ANKRD46: variants seen among roughly 807,000 people sequenced by gnomAD.
The protein encoded by ANKRD46 is ankyrin repeat domain-containing protein 46.
ANKRD46 carries 13 observed loss-of-function variants against 19.8 expected under a neutral mutation model. The observed-to-expected ratio is 0.66, with a 90% CI of 0.43 to 1.04. The LOEUF is 1.04. Among genes scored for constraint, ANKRD46 ranks in the 50% least tolerant of loss-of-function variants. The pLI, the probability that ANKRD46 is intolerant of heterozygous loss-of-function variation, is 0.00. For missense variants in ANKRD46, 185 were observed against 274.8 expected (o/e 0.67, Z 2.31); for synonymous variants, 91 against 106.9 (o/e 0.85, Z 0.92).
chr8:100,559,643 C>G lies in ANKRD46; in HGVS notation c.-131+68G>C, dbSNP rs1039896658. 2 of 152,486 alleles carry G rather than the reference C, an allele frequency of 1.3e-5. No homozygotes were observed. Among genetic ancestry groups the G allele is most frequent in the African/African-American group, 4.8e-5 (2 of 41,468 alleles). 9.4% of individuals were successfully genotyped at this position (152,486 alleles called of 1,614,324 possible). A position where few individuals can be genotyped will look rare whatever the true frequency, so the allele number is the denominator to read the frequency against. On this transcript the variant is annotated intron_variant, in intron 1 of 4. Transcript: ENST00000335659. The surrounding 1 kb of genome is among the most constrained non-coding windows in gnomAD (Gnocchi z 6.0). ...CAGGCCTACTGGACCTCCAGTGCTA[C>G]AGGGACGGTGCAGGAGATATCAAGT...
intron 1 of ANKRD46, among the ~76,000 whole-genome samples, chr8:100,556,089 T>C (rs1184722542): frequency 6.6e-6 from 1 of 152,194 alleles, no homozygotes; most frequent in Non-Finnish European, 1.5e-5. Context: ...GGCTCAATCA[T>C]GGCTCACTGA....
intron 1 of ANKRD46, among the ~76,000 whole-genome samples, chr8:100,547,171 G>A (rs1309931025): frequency 6.6e-6 from 1 of 152,078 alleles, no homozygotes; most frequent in Non-Finnish European, 1.5e-5. Context: ...GATTTGGGAG[G>A]GGCCAGGAGC....
chr8:100,555,015 CAA>C (rs199686994), intron 1 of ANKRD46, among the ~76,000 whole-genome samples: 34 of 105,698 alleles, frequency 3.2e-4, no homozygotes, highest in East Asian at 7.6e-4. Context: ...ACTCCATCTC[CAA>C]AAAAAAAAAA....
intron 5 of ANKRD46, among the ~76,000 whole-genome samples, chr8:100,514,617 CT>C (rs35216029): frequency 8.8e-4 from 65 of 74,064 alleles, no homozygotes; most frequent in Middle Eastern, 0.016. Context: ...CCTCCATCTT[CT>C]TTTTTTTTTT....
chr8:100,531,050 A>C (rs923373719), intron 2 of ANKRD46, among the ~76,000 whole-genome samples: 1 of 152,158 alleles, frequency 6.6e-6, no homozygotes, highest in African/African-American at 2.4e-5. Flanking sequence ...TGCCTGGTGC[A>C]CCTGAACTCT....
chr8:100,518,408 T>C (rs1811667396), downstream of ANKRD46, among the ~76,000 whole-genome samples: 1 of 152,246 alleles, frequency 6.6e-6, no homozygotes, highest in Non-Finnish European at 1.5e-5. Flanking sequence ...AATAGAATTA[T>C]GTTGATGACT....
downstream of ANKRD46, among the ~76,000 whole-genome samples, chr8:100,519,747 A>G (rs1297490296): frequency 1.3e-5 from 2 of 152,284 alleles, no homozygotes; most frequent in East Asian, 3.9e-4. Context: ...CATGCTCCAC[A>G]GGTGAGGGGG....
chr8:100,548,755 G>A (rs928592301), intron 1 of ANKRD46, among the ~76,000 whole-genome samples: 3 of 152,082 alleles, frequency 2.0e-5, no homozygotes, highest in Non-Finnish European at 4.4e-5. Context: ...ATTCACTGAA[G>A]GTGGACAAAA....
rs59521764 is a variant in ANKRD46, at chr8:100,555,722, T to TAAAA, written c.-131+3985_-131+3988dup. Among the ~76,000 whole-genome samples, 108 of 53,308 alleles carry TAAAA rather than the reference T, an allele frequency of 2.0e-3. 14 individuals carry two copies. Among genetic ancestry groups the TAAAA allele is most frequent in the South Asian group, 3.6e-3 (3 of 844 alleles). 35.0% of individuals were successfully genotyped at this position (53,308 alleles called of 152,430 possible). A position where few individuals can be genotyped will look rare whatever the true frequency, so the allele number is the denominator to read the frequency against. ...GCACCAACTTAATATTTTCCTCAGCTAAAAAAAAAAAAAAAAAAAAAAAAA... is the reference window on the plus strand; with the variant it reads ...GCACCAACTTAATATTTTCCTCAGCTAAAAAAAAAAAAAAAAAAAAAAAAAAAAA... On this transcript the variant is annotated intron_variant, in intron 1 of 4. Transcript: ENST00000335659.
chr8:100,510,539 C>T lies in ANKRD46; in HGVS notation c.*38G>A. 6.6e-7 allele frequency: 1 copy of T among 1,523,808 alleles called. No homozygotes were observed. The highest frequency in any genetic ancestry group is 8.8e-7 in the Non-Finnish European group (1 of 1,139,304). The allele number at this position is 1,523,808 out of a possible 1,614,324, so 94.4% of individuals were successfully genotyped here. A position where few individuals can be genotyped will look rare whatever the true frequency, so the allele number is the denominator to read the frequency against. The stretch of plus-strand genomic sequence containing the variant: ...GACGTCTGTATCCCTTCTTTCTTGC[C>T]TTCTGAGGCTCAGGAGCACAGGACA... On this transcript the variant is annotated 3_prime_UTR_variant, in exon 6 of 6. Transcript: ENST00000520552. This position sits in a 1 kb window ranked among gnomAD's most constrained non-coding sequence, Gnocchi z 4.9.
rs1812525861 is a variant in ANKRD46 at position 100,557,525 on chromosome 8, G to A, written c.-131+2186C>T. Among the ~76,000 whole-genome samples the A allele has an allele frequency of 6.6e-6, 1 of 152,154 alleles. No individual in the cohort carries two copies. Among genetic ancestry groups the A allele is most frequent in the South Asian group, 2.1e-4 (1 of 4,826 alleles). ...CAACACTGAACACAGCAGCCAGAGT[G>A]ATCCTTTAAAAACCTTAAGCCAGAT... On this transcript the variant is annotated intron_variant, in intron 1 of 4. Transcript: ENST00000335659. This position sits in a 1 kb window ranked among gnomAD's most constrained non-coding sequence, Gnocchi z 5.9.
At position 100,536,451 on chromosome 8, in the gene ANKRD46, T is replaced by C. The variant is rs1812066480; in HGVS notation, c.-130-3140A>G. Among the ~76,000 whole-genome samples, 1 of 152,198 alleles carries C rather than the reference T, an allele frequency of 6.6e-6. No individual in the cohort carries two copies. On this transcript the variant is annotated intron_variant, in intron 1 of 4. Coordinates refer to ENST00000335659, the MANE Select transcript of ANKRD46 (RefSeq NM_001270377.2). The surrounding 1 kb of genome is among the most constrained non-coding windows in gnomAD (Gnocchi z 4.9). ...TTTGAACCCCAGCTCAGCTACTTAC[T>C]AGCTGTATGACTTAGCACTCAAAAA... is the stretch of plus-strand genomic sequence containing the variant.
At chr8:100,551,285 G>A in intron 1 of ANKRD46, 1 of 505,588 alleles carries the variant, frequency 2.0e-6, no homozygotes. Flanking sequence ...TGATGATCTT[G>A]AGGCTGTTTT....
chr8:100,558,839 T>C (rs955648971), intron 1 of ANKRD46, among the ~76,000 whole-genome samples: 22 of 152,048 alleles, frequency 1.4e-4, no homozygotes, highest in Admixed American at 1.4e-3. Flanking sequence ...CCTGATAGGG[T>C]TGCTTCAAGG....
chr8:100,527,899 A>T lies in ANKRD46; in HGVS notation c.416T>A (p.Phe139Tyr), dbSNP rs767604085. 10 of 1,613,708 alleles carry T rather than the reference A, an allele frequency of 6.2e-6. No individual in the cohort carries two copies. Among genetic ancestry groups the T allele is most frequent in the African/African-American group, 1.3e-5 (1 of 74,808 alleles). The change falls in exon 4 of 5, where the codon TTT (phenylalanine) becomes TAT (tyrosine). Residue 139 changes from phenylalanine (F) to tyrosine (Y), a missense_variant. Phe to Tyr is a conservative substitution (Grantham distance 22). Coordinates refer to ENST00000335659, the MANE Select transcript of ANKRD46 (RefSeq NM_001270377.2). This position sits in a 1 kb window ranked among gnomAD's most constrained non-coding sequence, Gnocchi z 4.0. Reference protein sequence around the residue: ...ESLEEQEVKGFNRGTHSKLET... With the variant: ...ESLEEQEVKGYNRGTHSKLET... Reference sequence around the variant, plus strand: ...CAGTTTCGAGTGGGTTCCTCTGTTAAATCCTTTCACCTCCTGTTCTTCCAA... The same window carrying T: ...CAGTTTCGAGTGGGTTCCTCTGTTATATCCTTTCACCTCCTGTTCTTCCAA...
chr8:100,533,537 G>C (rs1812005138), intron 1 of ANKRD46, among the ~76,000 whole-genome samples: 1 of 152,138 alleles, frequency 6.6e-6, no homozygotes. Flanking sequence ...AAACAAGAAA[G>C]CAAGACAGAA....
chr8:100,517,552 AG>A (rs1295215971), downstream of ANKRD46, among the ~76,000 whole-genome samples: 1 of 152,196 alleles, frequency 6.6e-6, no homozygotes, highest in Non-Finnish European at 1.5e-5. Context: ...CTCTGTCCCC[AG>A]GTGAATGTAG....
chr8:100,548,322 CT>C (rs749168820), intron 1 of ANKRD46, among the ~76,000 whole-genome samples: 27 of 152,254 alleles, frequency 1.8e-4, no homozygotes, highest in South Asian at 4.1e-4. Context: ...TACTCTACCC[CT>C]GACTTGCCTC....
Position 100,529,693 on chromosome 8 carries a change from T to G in ANKRD46, c.141A>C (p.Thr47=). ...DPNIRDSRGR[T]GLHLAAARGN... ...CTCGAGCTGCTGCAAGGTGAAGGCCTGTTCTGCCCCTGCTGTCACGAATAT... is the reference window on the plus strand; with the variant it reads ...CTCGAGCTGCTGCAAGGTGAAGGCCGGTTCTGCCCCTGCTGTCACGAATAT... The change falls in exon 3 of 5, where the codon ACA becomes ACC. Residue 47 remains threonine, a synonymous_variant. Coordinates refer to ENST00000335659, the MANE Select transcript of ANKRD46 (RefSeq NM_001270377.2). This position sits in a 1 kb window ranked among gnomAD's most constrained non-coding sequence, Gnocchi z 5.8. 6.2e-7 allele frequency: 1 copy of G among 1,614,264 alleles called. No individual in the cohort carries two copies. The highest frequency in any genetic ancestry group is 8.5e-7 in the Non-Finnish European group (1 of 1,180,054).
Sources: allele counts gnomAD v4.1 joint callset (sites outside exome capture counted in the v4.1 genomes callset), GRCh38; gene constraint gnomAD v4.1.1; non-coding constraint Gnocchi (gnomAD v3.1); transcripts MANE v1.5; gene names NCBI Gene and HGNC (gene_info 2026-07-23, HGNC 2026-07-21).